Variants in ZMIZ1 observed in about 807,000 individuals in gnomAD.
ZMIZ1 encodes the protein zinc finger MIZ-type containing 1, also known as zinc finger MIZ domain-containing protein 1.
Under a neutral mutation model 113.9 loss-of-function variants are expected in ZMIZ1, and 17 were observed. The observed-to-expected ratio is 0.15, with a 90% CI of 0.10 to 0.22. The LOEUF is 0.22. ZMIZ1 is among the 10% of genes least tolerant of loss of function. The pLI is 1.00. For missense variants in ZMIZ1, 1,059 were observed against 1,477.8 expected, an observed-to-expected ratio of 0.72 and a Z score of 4.65; for synonymous variants, 607 against 603.1, an observed-to-expected ratio of 1.01 and a Z score of -0.09.
intron 2 of ZMIZ1, among the ~76,000 whole-genome samples, chr10:79,120,151 A>G (rs1449333964): frequency 6.6e-6 from 1 of 152,192 alleles, no homozygotes; most frequent in African/African-American, 2.4e-5. Flanking sequence ...ACACACAGAC[A>G]TGAGTGGTGG....
chr10:79,224,820 G>A (rs1810611115), intron 7 of ZMIZ1, among the ~76,000 whole-genome samples: 1 of 152,212 alleles, frequency 6.6e-6, no homozygotes, highest in South Asian at 2.1e-4. Flanking sequence ...TCCAGTGCAA[G>A]TTGTTCCTTC....
At chr10:79,261,125 G>A (rs1851235977) in intron 7 of ZMIZ1, among the ~76,000 whole-genome samples, 1 of 152,178 alleles carries the variant, frequency 6.6e-6, no homozygotes, top group Non-Finnish European at 1.5e-5. Context: ...AAGGGTAGTT[G>A]GATGTGCTCC....
intron 7 of ZMIZ1, among the ~76,000 whole-genome samples, chr10:79,217,923 A>G (rs909886226): frequency 2.6e-5 from 4 of 152,240 alleles, no homozygotes; most frequent in Admixed American, 6.5e-5. Flanking sequence ...AGTCAATACA[A>G]TGTTGACAGG....
chr10:79,265,463 CTTTTCTTTTTTTT>C (rs1313168350), intron 7 of ZMIZ1, among the ~76,000 whole-genome samples: 7 of 131,732 alleles, frequency 5.3e-5, no homozygotes, highest in Non-Finnish European at 7.9e-5. Flanking sequence ...CCTTTTTTTT[CTTTTCTTTTTTTT>C]TTTTTTTTTG....
At chr10:79,294,944 G>GC (rs1309134829) in intron 12 of ZMIZ1, 1 of 134,664 alleles carries the variant, frequency 7.4e-6, no homozygotes, top group African/African-American at 2.8e-5. Flanking sequence ...GGAGAGAGAG[G>GC]GGGGGGGGTC....
intron 7 of ZMIZ1, among the ~76,000 whole-genome samples, chr10:79,274,900 C>T (rs1470318553): frequency 3.3e-5 from 5 of 152,204 alleles, no homozygotes; most frequent in African/African-American, 9.6e-5. Context: ...CCTGATTCCC[C>T]TGTGGTGCCT....
At chr10:79,281,129 G>A (rs2131990337) in intron 8 of ZMIZ1, among the ~76,000 whole-genome samples, 1 of 152,328 alleles carries the variant, frequency 6.6e-6, no homozygotes, top group Admixed American at 6.5e-5. Context: ...AGGTCACAGA[G>A]TGCCACAAAT....
Position 79,195,678 on chromosome 10 carries a change from G to A in ZMIZ1, c.-49-5906G>A, listed in dbSNP as rs182372925. 3.2e-3 allele frequency among the ~76,000 whole-genome samples: 490 copies of A among 152,344 alleles called. 2 individuals are homozygous for A. The highest frequency in any genetic ancestry group is 0.011 in the African/African-American group (445 of 41,578). On this transcript the variant is annotated intron_variant, in intron 4 of 24. Coordinates refer to ENST00000334512, the MANE Select transcript of ZMIZ1 (RefSeq NM_020338.4). ...AGGTGGCCGGTGTGCAGGGAGCCCA[G>A]TGATGTAAGTGACTGGATTTGGGCA...
chr10:79,293,519 G>A lies in ZMIZ1; in HGVS notation c.1096G>A (p.Gly366Ser). Residue 366 changes from glycine to serine, a missense_variant, in exon 12 of 25, where the codon GGC becomes AGC. Physicochemically the swap from Gly to Ser is moderately conservative, Grantham distance 56. Around this residue, in one of 6 missense-constraint regions of ZMIZ1, gnomAD observed 83 missense variants for 103.7 expected, o/e 0.80. Transcript: ENST00000334512. ...TPSGMSGPPMGMNQPRPPGIS... is the reference protein window; with the variant it reads ...TPSGMSGPPMSMNQPRPPGIS... ...CTCGGGGATGAGCGGCCCTCCCATG[G>A]GCATGAACCAGCCCCGGCCGCCCGG... 1.2e-6 allele frequency: 2 copies of A among 1,608,310 alleles called. No individual in the cohort carries two copies. The highest frequency in any genetic ancestry group is 1.7e-6 in the Non-Finnish European group (2 of 1,176,682).
intron 3 of ZMIZ1, among the ~76,000 whole-genome samples, chr10:79,155,619 C>T (rs1282147551): frequency 6.6e-6 from 1 of 152,232 alleles, no homozygotes; most frequent in East Asian, 1.9e-4. Flanking sequence ...CTGGGCGATG[C>T]TGCATGAGCT....
intron 4 of ZMIZ1, among the ~76,000 whole-genome samples, chr10:79,182,151 C>G (rs1222427773): frequency 6.6e-6 from 1 of 152,212 alleles, no homozygotes; most frequent in African/African-American, 2.4e-5. Flanking sequence ...CATGCATGGA[C>G]GCACCTCTCC....
chr10:79,195,121 T>C (rs1847781736), intron 4 of ZMIZ1, among the ~76,000 whole-genome samples: 1 of 152,210 alleles, frequency 6.6e-6, no homozygotes, highest in Non-Finnish European at 1.5e-5. Flanking sequence ...GCTTTGCAGC[T>C]TCAAAAGCAG....
chr10:79,195,593 G>C (rs969956735), intron 4 of ZMIZ1, among the ~76,000 whole-genome samples: 8 of 152,266 alleles, frequency 5.3e-5, no homozygotes, highest in Non-Finnish European at 1.0e-4. Flanking sequence ...GCCCAGCTGA[G>C]TGGCGCTCTT....
At chr10:79,111,035 C>A (rs1843719536) in intron 1 of ZMIZ1, among the ~76,000 whole-genome samples, 1 of 152,248 alleles carries the variant, frequency 6.6e-6, no homozygotes. Flanking sequence ...AATCTACTTG[C>A]TCCCCTTGCC....
intron 3 of ZMIZ1, among the ~76,000 whole-genome samples, chr10:79,141,026 T>C (rs1246331058): frequency 6.6e-6 from 1 of 152,180 alleles, no homozygotes; most frequent in African/African-American, 2.4e-5. Context: ...AATTTAGCCC[T>C]GCCCTGAGAG....
At chr10:79,116,609 G>A (rs908923447) in intron 1 of ZMIZ1, among the ~76,000 whole-genome samples, 5 of 152,172 alleles carry the variant, frequency 3.3e-5, no homozygotes, top group Non-Finnish European at 5.9e-5. Context: ...TACAGAGGCC[G>A]GCTGGCCAGG....
chr10:79,248,020 C>G (rs1359406817), intron 7 of ZMIZ1, among the ~76,000 whole-genome samples: 1 of 152,206 alleles, frequency 6.6e-6, no homozygotes, highest in Non-Finnish European at 1.5e-5. Flanking sequence ...AATACCAGCC[C>G]TGTGCCAGAG....
chr10:79,308,318 C>T (rs1022636825), intron 23 of ZMIZ1, among the ~76,000 whole-genome samples: 4 of 152,198 alleles, frequency 2.6e-5, no homozygotes, highest in Admixed American at 1.3e-4. Flanking sequence ...GAGTAAAACT[C>T]CTGGCAGTGC....
At chr10:79,189,764 C>A (rs1847519394) in intron 4 of ZMIZ1, among the ~76,000 whole-genome samples, 1 of 152,222 alleles carries the variant, frequency 6.6e-6, no homozygotes, top group African/African-American at 2.4e-5. Flanking sequence ...AGCTTTGGAG[C>A]ACCTAGCGTG....
Sources: allele counts gnomAD v4.1 joint callset (sites outside exome capture counted in the v4.1 genomes callset), GRCh38; gene constraint gnomAD v4.1.1; regional missense constraint gnomAD v4.1.1; transcripts MANE v1.5; gene names NCBI Gene and HGNC (gene_info 2026-07-23, HGNC 2026-07-21).